The following STARD13 variants were observed in gnomAD, a reference collection of about 807,000 sequenced individuals.
STARD13 encodes the protein stAR-related lipid transfer protein 13.
In STARD13, 62 loss-of-function variants were observed where a neutral mutation model predicts 106.4. The observed-to-expected ratio is 0.58, with a 90% confidence interval of 0.48 to 0.72. The LOEUF is 0.72. Among genes scored for constraint, STARD13 ranks in the 30% least tolerant of loss-of-function variants. STARD13 has a pLI of 0.00. For synonymous variants in STARD13, 565 were observed against 553.0 expected, an observed-to-expected ratio of 1.02 and a Z score of -0.31; for missense variants, 1,387 against 1,424.0, an observed-to-expected ratio of 0.97 and a Z score of 0.42.
At chr13:33,416,114 C>T in the STARD13 span, among the ~76,000 whole-genome samples, 2 of 152,254 alleles carry the variant, frequency 1.3e-5, no homozygotes, top group Admixed American at 6.5e-5. Flanking sequence ...CTGGCCAAGG[C>T]CATTTTCATT....
the STARD13 span, among the ~76,000 whole-genome samples, chr13:33,516,968 GA>G: frequency 2.0e-5 from 3 of 147,476 alleles, no homozygotes; most frequent in Admixed American, 1.4e-4. Flanking sequence ...GGAGGGAGAA[GA>G]AAAAAAAGTA....
chr13:33,294,200 G>A (rs549896447), intron 1 of STARD13, among the ~76,000 whole-genome samples: 16 of 152,274 alleles, frequency 1.1e-4, no homozygotes, highest in Admixed American at 3.9e-4. Context: ...CATGCTTGCC[G>A]TGCCTTTAAC....
chr13:33,458,663 T>A, the STARD13 span, among the ~76,000 whole-genome samples: 1 of 152,048 alleles, frequency 6.6e-6, no homozygotes, highest in East Asian at 1.9e-4. Flanking sequence ...GCAATTCCTG[T>A]TGGGAAACAA....
chr13:33,271,514 A>T (rs1349319332), intron 1 of STARD13: 4 of 152,242 alleles, frequency 2.6e-5, no homozygotes, highest in African/African-American at 9.7e-5. Flanking sequence ...TAGAGGAAGG[A>T]GGTTGCGGGT....
At chr13:33,551,785 G>A in the STARD13 span, among the ~76,000 whole-genome samples, 3 of 151,024 alleles carry the variant, frequency 2.0e-5, no homozygotes, top group African/African-American at 7.3e-5. Context: ...ATTGATAGAG[G>A]CAGGGTTTCA....
chr13:33,189,452 C>G (rs1180260317), intron 1 of STARD13, among the ~76,000 whole-genome samples: 4 of 124,026 alleles, frequency 3.2e-5, no homozygotes, highest in Admixed American at 8.0e-5. Flanking sequence ...GGAGGGAAAG[C>G]AGGAGGAAAG....
chr13:33,364,004 A>G, the STARD13 span, among the ~76,000 whole-genome samples: 143,308 of 152,220 alleles, frequency 0.94, 68,086 homozygotes, highest in East Asian at 1. Flanking sequence ...TGATTAAATC[A>G]CCATGAATGA....
chr13:33,139,072 T>C lies in STARD13; in HGVS notation c.387+3238A>G, dbSNP rs1187468958. ...TCTACAGGATTAAACACAATTGCCA[T>C]GAAGACAATAAATAAATTGTGGACT... On this transcript the variant is annotated intron_variant, in intron 4 of 13. Transcript: ENST00000336934. Among the ~76,000 whole-genome samples, 4 of 152,204 alleles carry C rather than the reference T, an allele frequency of 2.6e-5. No individual in the cohort carries two copies. In the East Asian group the frequency reaches 5.8e-4, roughly 22 times the overall value.
At chr13:33,113,107 G>A in intron 8 of STARD13, 176 bp from the exon 9 acceptor site, 1 of 557,626 alleles carries the variant, frequency 1.8e-6, no homozygotes, top group Non-Finnish European at 3.1e-6. Flanking sequence ...AGGCCTCGCA[G>A]CTCATGGGAG....
chr13:33,168,296 T>G (rs797228), intron 1 of STARD13, among the ~76,000 whole-genome samples: 64,335 of 151,956 alleles, frequency 0.42, 17,037 homozygotes, highest in Non-Finnish European at 0.57. Flanking sequence ...TTGAGTTTGA[T>G]GAGCCTGCCA....
In STARD13 at chr13:33,318,020, C is replaced by T. The variant is rs926265024; in HGVS notation, c.124+32270G>A. Among the ~76,000 whole-genome samples the T allele has an allele frequency of 5.9e-5, 9 of 152,260 alleles. No individual in the cohort carries two copies. The South Asian group carries it at 1.9e-3, about 32-fold the overall frequency. ...GATTTGGATCTATGTTGGTCAGACT[C>T]AAAAGTCTTTCAACCACATTGGCAT... On this transcript the variant is annotated intron_variant, in intron 1 of 5. Coordinates refer to the STARD13 transcript ENST00000567873.
chr13:33,415,426 G>A, the STARD13 span, among the ~76,000 whole-genome samples: 4 of 152,202 alleles, frequency 2.6e-5, no homozygotes, highest in African/African-American at 9.7e-5. Flanking sequence ...GGCAGTGGCA[G>A]TAGGAGTAAG....
At chr13:33,373,780 A>T in the STARD13 span, among the ~76,000 whole-genome samples, 1 of 152,064 alleles carries the variant, frequency 6.6e-6, no homozygotes, top group Non-Finnish European at 1.5e-5. Flanking sequence ...TTAAAAAAAA[A>T]ACATAGAAAA....
At chr13:33,584,255 T>C in the STARD13 span, among the ~76,000 whole-genome samples, 5 of 152,192 alleles carry the variant, frequency 3.3e-5, no homozygotes, top group African/African-American at 1.2e-4. Flanking sequence ...TTTAATTGGC[T>C]CATGGGGTTC....
At chr13:33,115,215 A>G (rs1324441998) in intron 8 of STARD13, among the ~76,000 whole-genome samples, 2 of 152,234 alleles carry the variant, frequency 1.3e-5, no homozygotes, top group African/African-American at 2.4e-5. Flanking sequence ...CAAAAATCCA[A>G]GAAGTGGCAT....
the STARD13 span, among the ~76,000 whole-genome samples, chr13:33,426,221 G>A: frequency 1.4e-4 from 21 of 152,194 alleles, no homozygotes; most frequent in African/African-American, 4.8e-4. Context: ...TATGTTTTTG[G>A]TGATGCTTTG....
chr13:33,647,754 G>A, the STARD13 span, among the ~76,000 whole-genome samples: 2,913 of 152,312 alleles, frequency 0.019, 70 homozygotes, highest in African/African-American at 0.067. Flanking sequence ...CTGCCTTAGT[G>A]TTTGGCAGAA....
the STARD13 span, among the ~76,000 whole-genome samples, chr13:33,585,578 C>T: frequency 1.0e-3 from 159 of 152,148 alleles, no homozygotes; most frequent in South Asian, 3.5e-3. Context: ...CCTGTAGTCC[C>T]GGCTACTTGG....
chr13:33,121,984 T>C (rs1054552859), intron 7 of STARD13, among the ~76,000 whole-genome samples: 1 of 152,180 alleles, frequency 6.6e-6, no homozygotes, highest in African/African-American at 2.4e-5. Flanking sequence ...TAGCTGGGAT[T>C]ACAGGCACCT....
Sources: allele counts gnomAD v4.1 joint callset (sites outside exome capture counted in the v4.1 genomes callset), GRCh38; gene constraint gnomAD v4.1.1; transcripts MANE v1.5; gene names NCBI Gene and HGNC (gene_info 2026-07-23, HGNC 2026-07-21).